Variants in MTA3 observed in about 807,000 individuals in gnomAD.
The protein encoded by MTA3 is metastasis-associated protein MTA3.
MTA3 carries 34 observed loss-of-function variants against 83.5 expected under a neutral mutation model. The observed-to-expected ratio is 0.41, with a 90% CI of 0.31 to 0.54. The LOEUF is 0.54. MTA3 is among the 20% of genes least tolerant of loss of function. The probability of loss-of-function intolerance (pLI) is 0.33; values close to 1 mark genes in which losing one functional copy is unlikely to be tolerated. For missense variants in MTA3, 761 were observed against 726.4 expected (o/e 1.05, Z -0.55); for synonymous variants, 303 against 252.7 (o/e 1.20, Z -1.89).
intron 4 of MTA3, among the ~76,000 whole-genome samples, chr2:42,633,570 TC>T (rs1686889641): frequency 7.0e-6 from 1 of 142,386 alleles, no homozygotes; most frequent in South Asian, 2.3e-4. Context: ...CAGAGCGAGA[TC>T]CTGTCTCAAA....
intron 11 of MTA3, among the ~76,000 whole-genome samples, chr2:42,701,291 CA>C (rs35602598): frequency 6.0e-4 from 42 of 69,772 alleles, no homozygotes; most frequent in Non-Finnish European, 6.5e-4. Flanking sequence ...GACCCTGCCT[CA>C]AAAAAAAAAA....
At chr2:42,632,897 A>G (rs972765603) in intron 4 of MTA3, among the ~76,000 whole-genome samples, 1 of 152,018 alleles carries the variant, frequency 6.6e-6, no homozygotes, top group Non-Finnish European at 1.5e-5. Flanking sequence ...CAGATCTTCT[A>G]TTCAAAGATC....
At chr2:42,746,749 T>A (rs1669464399) in intron 16 of MTA3, among the ~76,000 whole-genome samples, 2 of 152,220 alleles carry the variant, frequency 1.3e-5, no homozygotes, top group Non-Finnish European at 2.9e-5. Context: ...GATGCAGAGA[T>A]GCATAGGGCG....
chr2:42,599,225 A>T (rs1254779012), intron 3 of MTA3, among the ~76,000 whole-genome samples: 1 of 152,140 alleles, frequency 6.6e-6, no homozygotes, highest in African/African-American at 2.4e-5. Flanking sequence ...ATGTTTTCAT[A>T]TTATGGGGAT....
At chr2:42,565,475 G>C (rs905515914), upstream of MTA3, among the ~76,000 whole-genome samples, 1 of 151,582 alleles carries the variant, frequency 6.6e-6, no homozygotes, top group South Asian at 2.1e-4. Context: ...GCCACCTATA[G>C]CTTTCTTGCT....
At chr2:42,534,227 A>T (rs1453408670) in intron 2 of MTA3, among the ~76,000 whole-genome samples, 1 of 152,154 alleles carries the variant, frequency 6.6e-6, no homozygotes, top group Non-Finnish European at 1.5e-5. Context: ...GCCTGCCTGG[A>T]ACTGGCCCCA....
intron 8 of MTA3, among the ~76,000 whole-genome samples, chr2:42,677,245 A>T (rs985501280): frequency 4.6e-5 from 7 of 152,210 alleles, no homozygotes; most frequent in Non-Finnish European, 1.5e-5. Flanking sequence ...GTGTTGTGGG[A>T]GGGACCACCG....
At chr2:42,510,476 C>T (rs1674848433) in intron 2 of MTA3, among the ~76,000 whole-genome samples, 1 of 152,112 alleles carries the variant, frequency 6.6e-6, no homozygotes, top group Non-Finnish European at 1.5e-5. Context: ...CCCCTTCTGT[C>T]CCTGGAGGAA....
chr2:42,601,074 T>C (rs1682511971), intron 3 of MTA3, among the ~76,000 whole-genome samples: 1 of 152,054 alleles, frequency 6.6e-6, no homozygotes, highest in Non-Finnish European at 1.5e-5. Context: ...GTCCGGCTAA[T>C]TTTTGTATTT....
At chr2:42,701,560 A>G (rs537231707) in intron 11 of MTA3, among the ~76,000 whole-genome samples, 10 of 151,856 alleles carry the variant, frequency 6.6e-5, no homozygotes, top group Non-Finnish European at 1.5e-4. Flanking sequence ...TCACACCACT[A>G]CACACCAGCC....
chr2:42,535,066 A>C (rs931428983), intron 2 of MTA3, among the ~76,000 whole-genome samples: 1 of 152,050 alleles, frequency 6.6e-6, no homozygotes, highest in Non-Finnish European at 1.5e-5. Flanking sequence ...TATTTCAAGC[A>C]GTAGAAAGGA....
intron 2 of MTA3, among the ~76,000 whole-genome samples, chr2:42,504,971 C>T (rs187014543): frequency 6.6e-6 from 1 of 152,272 alleles, no homozygotes; most frequent in Admixed American, 6.5e-5. Flanking sequence ...ACCCTTCTCC[C>T]CATCACCACT....
chr2:42,713,678 TATG>T (rs1414183152), intron 14 of MTA3, among the ~76,000 whole-genome samples: 1 of 152,194 alleles, frequency 6.6e-6, no homozygotes, highest in Non-Finnish European at 1.5e-5. Context: ...TTTGTTTCTA[TATG>T]ATATTAACAT....
chr2:42,621,339 G>A (rs1003998002), intron 4 of MTA3, among the ~76,000 whole-genome samples: 4 of 152,162 alleles, frequency 2.6e-5, no homozygotes, highest in Non-Finnish European at 4.4e-5. Context: ...GACTCTTAAC[G>A]AGCATGCTGC....
At chr2:42,549,567 A>G (rs1323107724) in intron 2 of MTA3, among the ~76,000 whole-genome samples, 1 of 117,110 alleles carries the variant, frequency 8.5e-6, no homozygotes, top group Non-Finnish European at 1.6e-5. Context: ...ATATACATAT[A>G]CATATATAAT....
At chr2:42,525,475 A>ATTCCTTCCTTCCTTCCTTCCTTTCCTTCC (rs1675647362) in intron 2 of MTA3, among the ~76,000 whole-genome samples, 1 of 135,506 alleles carries the variant, frequency 7.4e-6, no homozygotes, top group Non-Finnish European at 1.6e-5. Context: ...GCTAGGATCA[A>ATTCCTTCCTTCCTTCCTTCCTTTCCTTCC]TTCCTTCCTT....
chr2:42,578,977 A>G, intron 2 of MTA3, 130 bp from the exon 3 acceptor site: 2 of 577,144 alleles, frequency 3.5e-6, no homozygotes, highest in Non-Finnish European at 6.0e-6. Flanking sequence ...CTCTGTGGTT[A>G]TCCTGCAGTT....
At chr2:42,591,935 C>T (rs531216014) in intron 3 of MTA3, among the ~76,000 whole-genome samples, 1 of 152,164 alleles carries the variant, frequency 6.6e-6, no homozygotes, top group African/African-American at 2.4e-5. Flanking sequence ...AGGCGTGAGC[C>T]ACCGTGCCTG....
At chr2:42,576,153 C>G (rs1276262661) in intron 2 of MTA3, among the ~76,000 whole-genome samples, 2 of 152,200 alleles carry the variant, frequency 1.3e-5, no homozygotes, top group African/African-American at 4.8e-5. Flanking sequence ...TGTACATGGT[C>G]TCTACCCATA....
Sources: gnomAD v4.1 joint callset for allele counts (sites outside exome capture counted in the v4.1 genomes callset) on GRCh38, gnomAD v4.1.1 for gene constraint, MANE v1.5 for transcripts, NCBI Gene and HGNC (gene_info 2026-07-23, HGNC 2026-07-21) for gene names.